ADGRL2: variants seen among roughly 807,000 people sequenced by gnomAD.
ADGRL2 encodes calcium-independent alpha-latrotoxin receptor 2.
Under a neutral mutation model 157.4 loss-of-function variants are expected in ADGRL2, and 44 were observed. That is an observed-to-expected ratio of 0.28 (90% CI 0.22 to 0.36). The LOEUF (loss-of-function observed/expected upper bound fraction) is 0.36, where lower values mean the gene tolerates loss of function less well. Among genes scored for constraint, ADGRL2 ranks in the 10% least tolerant of loss-of-function variants. The pLI is 1.00. For synonymous variants in ADGRL2, 585 were observed against 624.7 expected, an observed-to-expected ratio of 0.94 and a Z score of 0.95; for missense variants, 1,510 against 1,768.9, an observed-to-expected ratio of 0.85 and a Z score of 2.63.
At chr1:81,907,328 C>T (rs905865773) in intron 3 of ADGRL2, 98 bp downstream of exon 3, 2 of 968,732 alleles carry the variant, frequency 2.1e-6, no homozygotes, top group Non-Finnish European at 3.2e-6. Flanking sequence ...GACCACATCC[C>T]AGCCTATTTA....
At chr1:81,684,239 C>T (rs1196732965) in intron 3 of ADGRL2, among the ~76,000 whole-genome samples, 2 of 152,200 alleles carry the variant, frequency 1.3e-5, no homozygotes, top group African/African-American at 4.8e-5. Flanking sequence ...TACTAGTTTA[C>T]ATTCCCACCA....
intron 2 of ADGRL2, among the ~76,000 whole-genome samples, chr1:81,545,348 G>A (rs1336023981): frequency 3.3e-5 from 5 of 150,230 alleles, no homozygotes; most frequent in Admixed American, 3.3e-4. Flanking sequence ...GTGCAGCGAT[G>A]TGATCTTGGC....
intron 2 of ADGRL2, among the ~76,000 whole-genome samples, chr1:81,450,759 T>G (rs72715555): frequency 6.6e-6 from 1 of 152,154 alleles, no homozygotes; most frequent in Non-Finnish European, 1.5e-5. Context: ...CAATGAATAT[T>G]TGAGCAAGCA....
chr1:81,584,628 G>A (rs2080986426), intron 3 of ADGRL2, among the ~76,000 whole-genome samples: 1 of 151,950 alleles, frequency 6.6e-6, no homozygotes, highest in South Asian at 2.1e-4. Flanking sequence ...TGGCAATCGC[G>A]CTTTTCTTTA....
At chr1:81,333,477 A>G (rs1260103844) in intron 1 of ADGRL2, among the ~76,000 whole-genome samples, 1 of 152,024 alleles carries the variant, frequency 6.6e-6, no homozygotes, top group Non-Finnish European at 1.5e-5. Flanking sequence ...GTGCAGTGGC[A>G]CCATCTTGGC....
Position 81,907,002 on chromosome 1 carries a change from C to G in ADGRL2, c.74-15C>G, listed in dbSNP as rs1002799292. 8.8e-6 allele frequency: 14 copies of G among 1,597,066 alleles called. No individual in the cohort carries two copies. Among genetic ancestry groups the G allele is most frequent in the Non-Finnish European group, 1.2e-5 (14 of 1,166,716 alleles). ...AATGAGTTACAGTTTAATTTTCTTT[C>G]TTTTTTATTTTAAGGTTTCAGCAGA... On this transcript the variant is annotated splice_polypyrimidine_tract_variant and intron_variant, in intron 2 of 23. Coordinates refer to ENST00000686636, the MANE Select transcript of ADGRL2 (RefSeq NM_001366006.2).
intron 2 of ADGRL2, among the ~76,000 whole-genome samples, chr1:81,532,724 G>A (rs2148262632): frequency 6.6e-6 from 1 of 151,634 alleles, no homozygotes; most frequent in Non-Finnish European, 1.5e-5. Context: ...AGACCAGCCT[G>A]AGCAACATAG....
chr1:81,749,400 T>G (rs995775924), intron 1 of ADGRL2, among the ~76,000 whole-genome samples: 39 of 152,316 alleles, frequency 2.6e-4, no homozygotes, highest in Admixed American at 2.6e-4. Context: ...CTACCATTAC[T>G]TCTCCTTGTT....
At chr1:81,487,924 T>C (rs2078543588) in intron 2 of ADGRL2, among the ~76,000 whole-genome samples, 1 of 152,042 alleles carries the variant, frequency 6.6e-6, no homozygotes, top group Admixed American at 6.6e-5. Flanking sequence ...TTCAATTTAG[T>C]GATATATTTA....
chr1:81,601,250 T>C (rs1380801456), intron 3 of ADGRL2, among the ~76,000 whole-genome samples: 1 of 152,254 alleles, frequency 6.6e-6, no homozygotes, highest in African/African-American at 2.4e-5. Flanking sequence ...TAGGAGATGT[T>C]GTTATAATGT....
At chr1:81,512,906 C>T (rs1302555874) in intron 2 of ADGRL2, among the ~76,000 whole-genome samples, 1 of 149,378 alleles carries the variant, frequency 6.7e-6, no homozygotes, top group Non-Finnish European at 1.5e-5. Context: ...TCATTGCTTT[C>T]TCTTGGCTAA....
At chr1:81,914,702 T>A (rs1303514233) in intron 3 of ADGRL2, among the ~76,000 whole-genome samples, 1 of 152,200 alleles carries the variant, frequency 6.6e-6, no homozygotes, top group East Asian at 1.9e-4. Context: ...AGTTGATGGA[T>A]TTCTACTAAT....
At chr1:81,890,584 G>A (rs559589971) in intron 2 of ADGRL2, among the ~76,000 whole-genome samples, 1 of 152,168 alleles carries the variant, frequency 6.6e-6, no homozygotes, top group East Asian at 1.9e-4. Flanking sequence ...GGGAGAGGTG[G>A]GGATTAGGAA....
At chr1:81,768,919 A>G (rs181343299) in intron 2 of ADGRL2, among the ~76,000 whole-genome samples, 35 of 150,006 alleles carry the variant, frequency 2.3e-4, no homozygotes, top group African/African-American at 7.7e-4. Flanking sequence ...CGTCTCTACT[A>G]AAAAAAAATA....
intron 2 of ADGRL2, among the ~76,000 whole-genome samples, chr1:81,786,818 A>G (rs181767010): frequency 6.6e-6 from 1 of 152,328 alleles, no homozygotes; most frequent in African/African-American, 2.4e-5. Flanking sequence ...CATCTATTAA[A>G]CTGTATATTA....
At position 81,561,604 on chromosome 1, in the gene ADGRL2, G is replaced by A. The variant is rs75059126; in HGVS notation, c.-247-19272G>A. Among the ~76,000 whole-genome samples, 37 of 151,688 alleles carry A rather than the reference G, an allele frequency of 2.4e-4. No individual in the cohort carries two copies. In the East Asian group the frequency reaches 4.5e-3, roughly 18 times the overall value. On this transcript the variant is annotated intron_variant, in intron 2 of 24. Transcript: ENST00000370721. ...GCCTCCAGAATACTTGAGATTACAG[G>A]CACCCGCCATCATGCCCGGCTAATT...
intron 1 of ADGRL2, among the ~76,000 whole-genome samples, chr1:81,433,921 G>C (rs1368576916): frequency 6.6e-6 from 1 of 152,188 alleles, no homozygotes; most frequent in Non-Finnish European, 1.5e-5. Context: ...GCTAGAAGCT[G>C]TGTTGGGACT....
At chr1:81,351,606 A>G (rs1450789163) in intron 1 of ADGRL2, among the ~76,000 whole-genome samples, 14 of 151,976 alleles carry the variant, frequency 9.2e-5, no homozygotes, top group Admixed American at 9.2e-4. Context: ...TAATTGTTAA[A>G]AAAAAAAAGT....
intron 11 of ADGRL2, among the ~76,000 whole-genome samples, chr1:81,960,400 A>T (rs1654949721): frequency 6.6e-6 from 1 of 151,836 alleles, no homozygotes; most frequent in African/African-American, 2.4e-5. Flanking sequence ...TGATTTTCAG[A>T]TCGGTTCCAT....
Sources: allele counts gnomAD v4.1 joint callset (sites outside exome capture counted in the v4.1 genomes callset), GRCh38; gene constraint gnomAD v4.1.1; transcripts MANE v1.5; gene names NCBI Gene and HGNC (gene_info 2026-07-23, HGNC 2026-07-21).